Variants in INPP4A observed in about 807,000 individuals in gnomAD.
INPP4A encodes the protein inositol polyphosphate-4-phosphatase, type I, 107kD.
INPP4A carries 33 observed loss-of-function variants against 119.8 expected under a neutral mutation model. That is an observed-to-expected ratio of 0.28 (90% confidence interval 0.21 to 0.37). INPP4A has a LOEUF of 0.37. Among genes scored for constraint, INPP4A ranks in the 10% least tolerant of loss-of-function variants. INPP4A has a pLI of 1.00. For missense variants in INPP4A, 956 were observed against 1,289.9 expected, an observed-to-expected ratio of 0.74 and a Z score of 3.97; for synonymous variants, 496 against 500.7, an observed-to-expected ratio of 0.99 and a Z score of 0.12.
At chr2:98,528,177 C>G (rs1232592249) in intron 4 of INPP4A, among the ~76,000 whole-genome samples, 2 of 152,036 alleles carry the variant, frequency 1.3e-5, no homozygotes, top group African/African-American at 2.4e-5. Flanking sequence ...AGTGTCTCAC[C>G]AAATAGAGAC....
At chr2:98,519,903 C>T (rs1686862966) in intron 2 of INPP4A, 43 bp from the exon 3 acceptor site, 1 of 661,910 alleles carries the variant, frequency 1.5e-6, no homozygotes, top group South Asian at 1.7e-5. Context: ...GATTTCTCTC[C>T]ATCACCGTCC....
chr2:98,489,969 A>T (rs1403161232), intron 1 of INPP4A, among the ~76,000 whole-genome samples: 1 of 148,672 alleles, frequency 6.7e-6, no homozygotes, highest in Non-Finnish European at 1.5e-5. Flanking sequence ...AGTGAGGAGG[A>T]CACTTTAGAA....
At position 98,588,829 on chromosome 2, in the gene INPP4A, A is replaced by C. The variant is rs1460653057; in HGVS notation, c.*1221A>C. ...TATTGATTCTGTTTACGATGTTTAC[A>C]TGTTCTTGAAAAGGTTGTAAAAGAA... is the stretch of plus-strand genomic sequence containing the variant. On this transcript the variant is annotated 3_prime_UTR_variant, in exon 25 of 25. Transcript: ENST00000409851. The C allele has an allele frequency of 1.8e-5, 4 of 218,546 alleles. No individual in the cohort carries two copies. Among genetic ancestry groups the C allele is most frequent in the Admixed American group, 1.7e-4 (3 of 17,288 alleles). The allele number at this position is 218,546 out of a possible 1,614,324, so 13.5% of individuals were successfully genotyped here.
chr2:98,507,590 G>A (rs1349145670), intron 1 of INPP4A, among the ~76,000 whole-genome samples: 3 of 152,098 alleles, frequency 2.0e-5, no homozygotes, highest in Non-Finnish European at 4.4e-5. Flanking sequence ...CCCCAGCCTG[G>A]GGGGCCTGGC....
chr2:98,580,045 T>G (rs1376382355), intron 24 of INPP4A, among the ~76,000 whole-genome samples: 1 of 152,218 alleles, frequency 6.6e-6, no homozygotes, highest in African/African-American at 2.4e-5. Context: ...GGGGAAGACA[T>G]GTACCTGTTC....
chr2:98,539,581 C>A lies in INPP4A; in HGVS notation c.724C>A (p.His242Asn). The A allele has an allele frequency of 2.5e-6, 4 of 1,612,352 alleles. No homozygotes were observed. The highest frequency in any genetic ancestry group is 1.7e-4 in the Middle Eastern group (1 of 6,060). The change falls in exon 10 of 25, where the codon CAT becomes AAT. Residue 242 changes from histidine to asparagine, a missense_variant. By Grantham distance (68) the His-to-Asn change is moderately conservative (BLOSUM62 1). Transcript: ENST00000409851. ...CCGGTTTCCAACCACTGATGGTAAC[C>A]ATTTGCGGATCCTGGAGCAGATGGC... ...MYRFPTTDGN[H>N]LRILEQMAES...
At chr2:98,484,413 C>G (rs1389293576) in intron 1 of INPP4A, among the ~76,000 whole-genome samples, 1 of 152,102 alleles carries the variant, frequency 6.6e-6, no homozygotes, top group African/African-American at 2.4e-5. Context: ...AGACCAAGCC[C>G]CAGTTACTTT....
intron 1 of INPP4A, among the ~76,000 whole-genome samples, chr2:98,469,468 C>T (rs1675517992): frequency 6.6e-6 from 1 of 150,868 alleles, no homozygotes; most frequent in African/African-American, 2.4e-5. Context: ...CCATTGCACT[C>T]CAGCCTGGGC....
intron 1 of INPP4A, among the ~76,000 whole-genome samples, chr2:98,491,611 TG>T (rs1480936062): frequency 1.3e-5 from 2 of 152,198 alleles, no homozygotes; most frequent in African/African-American, 4.8e-5. Context: ...TCTGCAGTCC[TG>T]TGCATCCCAA....
Position 98,588,824 on chromosome 2 carries a change from T to C in INPP4A, c.*1216T>C, listed in dbSNP as rs1396462212. 1 of 219,644 alleles carries C rather than the reference T, an allele frequency of 4.6e-6. No individual in the cohort carries two copies. The highest frequency in any genetic ancestry group is 9.1e-6 in the Non-Finnish European group (1 of 109,712). The allele number at this position is 219,644 out of a possible 1,614,324, so 13.6% of individuals were successfully genotyped here. A position where few individuals can be genotyped will look rare whatever the true frequency, so the allele number is the denominator to read the frequency against. ...TGTTTTATTGATTCTGTTTACGATG[T>C]TTACATGTTCTTGAAAAGGTTGTAA... On this transcript the variant is annotated 3_prime_UTR_variant, in exon 25 of 25. Coordinates refer to ENST00000409851, the MANE Select transcript of INPP4A (RefSeq NM_001134225.2).
At chr2:98,562,976 A>G (rs754987009) in intron 17 of INPP4A, among the ~76,000 whole-genome samples, 72 of 152,280 alleles carry the variant, frequency 4.7e-4, no homozygotes, top group Non-Finnish European at 8.4e-4. Flanking sequence ...AGTTGCACAC[A>G]AGGCTTGGCA....
chr2:98,446,146 A>G (rs1021778588), intron 1 of INPP4A, among the ~76,000 whole-genome samples: 8 of 152,236 alleles, frequency 5.3e-5, no homozygotes, highest in African/African-American at 1.9e-4. Flanking sequence ...TCTTATCTCT[A>G]AAAGGTGAGA....
At chr2:98,534,176 T>G (rs748608105) in intron 5 of INPP4A, among the ~76,000 whole-genome samples, 1 of 152,256 alleles carries the variant, frequency 6.6e-6, no homozygotes, top group Non-Finnish European at 1.5e-5. Context: ...TATTTCCAAG[T>G]TCACGTCAAC....
chr2:98,528,345 C>T (rs1688550097), intron 4 of INPP4A, among the ~76,000 whole-genome samples: 2 of 152,110 alleles, frequency 1.3e-5, no homozygotes, highest in South Asian at 2.1e-4. Flanking sequence ...TTGAGATTAT[C>T]CAGTCTGAGG....
intron 1 of INPP4A, among the ~76,000 whole-genome samples, chr2:98,498,258 A>G (rs1682432627): frequency 6.6e-6 from 1 of 151,898 alleles, no homozygotes; most frequent in Non-Finnish European, 1.5e-5. Flanking sequence ...TGGGGGGTGG[A>G]TTCTCCCATA....
In INPP4A at chr2:98,589,723, A is replaced by G. The variant is rs941199488; in HGVS notation, c.*2115A>G. The G allele has an allele frequency of 4.4e-5, 8 of 181,656 alleles. No individual in the cohort carries two copies. The highest frequency in any genetic ancestry group is 6.3e-5 in the Admixed American group (1 of 15,942). 11.3% of individuals were successfully genotyped at this position (181,656 alleles called of 1,614,324 possible). On this transcript the variant is annotated 3_prime_UTR_variant, in exon 25 of 25. Transcript: ENST00000409851. Reference sequence around the variant, plus strand: ...TGCAGGGTGAGGGTGTGTGGCACAGAGGCAAGCAGCTCCTCTCTTCTGTAG... The same window carrying G: ...TGCAGGGTGAGGGTGTGTGGCACAGGGGCAAGCAGCTCCTCTCTTCTGTAG...
At chr2:98,557,297 G>C (rs957610090) in intron 16 of INPP4A, among the ~76,000 whole-genome samples, 2 of 152,226 alleles carry the variant, frequency 1.3e-5, no homozygotes, top group African/African-American at 4.8e-5. Context: ...TTACATTTGA[G>C]AGAGTCTAAC....
At chr2:98,470,860 G>T (rs897332233) in intron 1 of INPP4A, among the ~76,000 whole-genome samples, 1 of 152,022 alleles carries the variant, frequency 6.6e-6, no homozygotes, top group Non-Finnish European at 1.5e-5. Flanking sequence ...TAGAGACGGG[G>T]TTTCACCATG....
rs1396458725 is a variant in INPP4A at position 98,562,257 on chromosome 2, T to C, written c.1856-1208T>C. On this transcript the variant is annotated intron_variant, in intron 17 of 24. Coordinates refer to ENST00000409851, the MANE Select transcript of INPP4A (RefSeq NM_001134225.2). ...TGTACAATTAGGCCACCTCCAACTT[T>C]TGAGCTGCTACATATACTTAAACAT... is the stretch of plus-strand genomic sequence containing the variant. Among the ~76,000 whole-genome samples, 8 of 152,364 alleles carry C rather than the reference T, an allele frequency of 5.3e-5. No homozygotes were observed. The East Asian group carries it at 1.5e-3, about 29-fold the overall frequency.
Sources: gnomAD v4.1 joint callset for allele counts (sites outside exome capture counted in the v4.1 genomes callset) on GRCh38, gnomAD v4.1.1 for gene constraint, MANE v1.5 for transcripts, NCBI Gene and HGNC (gene_info 2026-07-23, HGNC 2026-07-21) for gene names.